The following ARMC9 variants were observed in gnomAD, a reference collection of about 807,000 sequenced individuals.
ARMC9 encodes lisH domain-containing protein ARMC9.
In ARMC9, 94 loss-of-function variants were observed where a neutral mutation model predicts 107.0. That is an observed-to-expected ratio of 0.88 (90% CI 0.74 to 1.04). The LOEUF (loss-of-function observed/expected upper bound fraction) is 1.04, where lower values mean the gene tolerates loss of function less well. Ranked by LOEUF, ARMC9 falls within the 50% of genes least tolerant of loss-of-function variation. The probability of loss-of-function intolerance (pLI) is 0.00; values close to 1 mark genes in which losing one functional copy is unlikely to be tolerated. For missense variants in ARMC9, 942 were observed against 1,030.1 expected, an observed-to-expected ratio of 0.91 and a Z score of 1.17; for synonymous variants, 380 against 396.9, an observed-to-expected ratio of 0.96 and a Z score of 0.51.
chr2:231,302,492 AAC>A (rs2041815262), intron 19 of ARMC9, among the ~76,000 whole-genome samples: 1 of 147,416 alleles, frequency 6.8e-6, no homozygotes, highest in Admixed American at 6.8e-5. Context: ...GGATCAGAAA[AAC>A]ACAGTTTGAT....
chr2:231,251,641 G>A (rs977195734), intron 9 of ARMC9, among the ~76,000 whole-genome samples: 3 of 152,162 alleles, frequency 2.0e-5, no homozygotes, highest in East Asian at 1.9e-4. Flanking sequence ...TATCACTAGC[G>A]CATAGCAGAG....
At position 231,277,249 on chromosome 2, in the gene ARMC9, T is replaced by A. The variant is rs183265266; in HGVS notation, c.1474+474T>A. On this transcript the variant is annotated intron_variant, in intron 15 of 24. Coordinates refer to ENST00000611582, the MANE Select transcript of ARMC9 (RefSeq NM_001352754.2). Reference sequence around the variant, plus strand: ...GTCATTTATATACTTGATCAGTCATTTATATACTTGATCGCTGAAGGTAGT... The same window carrying A: ...GTCATTTATATACTTGATCAGTCATATATATACTTGATCGCTGAAGGTAGT... 1.8e-3 allele frequency among the ~76,000 whole-genome samples: 276 copies of A among 152,284 alleles called. 2 individuals carry two copies. Among genetic ancestry groups the A allele is most frequent in the African/African-American group, 6.1e-3 (252 of 41,560 alleles).
intron 24 of ARMC9, chr2:231,370,433 G>A (rs1452989703): frequency 3.5e-6 from 1 of 289,448 alleles, no homozygotes; most frequent in Non-Finnish European, 6.4e-6. Context: ...ACTTCCCTCT[G>A]TGGAGCTCAC....
chr2:231,352,696 TA>T (rs200523381), intron 21 of ARMC9, among the ~76,000 whole-genome samples: 3 of 150,976 alleles, frequency 2.0e-5, no homozygotes, highest in South Asian at 4.2e-4. Flanking sequence ...GATAGATAGA[TA>T]GATAGATAGA....
chr2:231,328,981 CT>C (rs1164193257), intron 19 of ARMC9, among the ~76,000 whole-genome samples: 9 of 150,980 alleles, frequency 6.0e-5, no homozygotes, highest in Non-Finnish European at 1.2e-4. Flanking sequence ...CGGCGGGCTA[CT>C]TTTTTTTGTA....
chr2:231,334,022 C>G (rs150858686), intron 20 of ARMC9, among the ~76,000 whole-genome samples: 3 of 152,338 alleles, frequency 2.0e-5, no homozygotes, highest in African/African-American at 7.2e-5. Flanking sequence ...TCAAATCAAT[C>G]AGTAACCCCA....
rs186891915 is a variant in ARMC9, at chr2:231,279,434, C to G, written c.1551+976C>G. On this transcript the variant is annotated intron_variant, in intron 16 of 24. Transcript: ENST00000611582. Reference sequence around the variant, plus strand: ...GATGAGACCCAGGGGTATATCTGAGCAGGATACGATTGAGTACCACTTGGT... The same window carrying G: ...GATGAGACCCAGGGGTATATCTGAGGAGGATACGATTGAGTACCACTTGGT... Among the ~76,000 whole-genome samples, 465 of 152,182 alleles carry G rather than the reference C, an allele frequency of 3.1e-3. 12 individuals carry two copies. The highest frequency in any genetic ancestry group is 2.0e-3 in the Non-Finnish European group (135 of 68,016).
At chr2:231,275,168 AG>A (rs1253161428) in intron 14 of ARMC9, among the ~76,000 whole-genome samples, 8 of 152,322 alleles carry the variant, frequency 5.3e-5, no homozygotes, top group African/African-American at 1.9e-4. Context: ...TAAATGAAGA[AG>A]GTAGCTAGTT....
intron 7 of ARMC9, among the ~76,000 whole-genome samples, chr2:231,228,562 T>C (rs1052617129): frequency 6.6e-5 from 10 of 152,234 alleles, no homozygotes; most frequent in African/African-American, 2.4e-4. Context: ...TGTATCACTT[T>C]TTCTAACCTA....
chr2:231,314,730 A>AGGC (rs1267863881), intron 19 of ARMC9, among the ~76,000 whole-genome samples: 2 of 152,254 alleles, frequency 1.3e-5, no homozygotes, highest in Non-Finnish European at 2.9e-5. Context: ...CCATTGGCCT[A>AGGC]GGCCAACATT....
intron 20 of ARMC9, among the ~76,000 whole-genome samples, chr2:231,343,960 TTAAA>T (rs1468021970): frequency 3.3e-5 from 5 of 152,200 alleles, no homozygotes; most frequent in African/African-American, 1.2e-4. Context: ...ATTTAATGTT[TTAAA>T]TAAATATATT....
chr2:231,344,786 C>T (rs1198493201), intron 20 of ARMC9, among the ~76,000 whole-genome samples, 189 bp from the exon 21 acceptor site: 5 of 152,020 alleles, frequency 3.3e-5, no homozygotes, highest in South Asian at 2.1e-4. Flanking sequence ...ATACACAAAC[C>T]GTTAGCAAAA....
chr2:231,331,883 A>G lies in ARMC9; in HGVS notation c.1864A>G (p.Thr622Ala). The change falls in exon 20 of 25, where the codon ACG becomes GCG. Residue 622 changes from threonine (T) to alanine (A), a missense_variant. Thr to Ala is a moderately conservative substitution (Grantham distance 58). Transcript: ENST00000611582. The part of the protein sequence containing the change: ...GELSGEKLLT[T>A]EYLGIMTNTG... The stretch of plus-strand genomic sequence containing the variant: ...ACTCTCAGGAGAGAAGCTTCTGACC[A>G]CGGAGTACCTGGGGGTAAGTGCCAC... 7 of 1,613,392 alleles carry G rather than the reference A, an allele frequency of 4.3e-6. No homozygotes were observed. The highest frequency in any genetic ancestry group is 5.9e-6 in the Non-Finnish European group (7 of 1,179,472).
chr2:231,339,046 T>C (rs934256347), intron 20 of ARMC9, among the ~76,000 whole-genome samples: 1 of 152,182 alleles, frequency 6.6e-6, no homozygotes, highest in Non-Finnish European at 1.5e-5. Context: ...ATTATATGTA[T>C]AGGCTGGGTG....
At chr2:231,335,222 A>C (rs1251965288) in intron 20 of ARMC9, among the ~76,000 whole-genome samples, 2 of 152,198 alleles carry the variant, frequency 1.3e-5, no homozygotes, top group Non-Finnish European at 2.9e-5. Context: ...AGCAGGTGTG[A>C]TCCTGCAGGG....
intron 9 of ARMC9, among the ~76,000 whole-genome samples, chr2:231,243,463 G>GC (rs2036485012): frequency 6.6e-6 from 1 of 152,106 alleles, no homozygotes; most frequent in Admixed American, 6.6e-5. Flanking sequence ...TTAAAAAGGA[G>GC]CAGGGGTACA....
chr2:231,363,586 G>C (rs1315574011), intron 23 of ARMC9, among the ~76,000 whole-genome samples: 1 of 152,136 alleles, frequency 6.6e-6, no homozygotes, highest in Non-Finnish European at 1.5e-5. Context: ...TCGGAGGCTA[G>C]AGAATAAAAG....
At chr2:231,291,252 C>A (rs1005751519) in intron 17 of ARMC9, 101 bp from the exon 18 acceptor site, 16 of 917,478 alleles carry the variant, frequency 1.7e-5, no homozygotes, top group Middle Eastern at 4.4e-4. Flanking sequence ...TCTTCCTCTC[C>A]CCAAAACATT....
chr2:231,246,344 C>A (rs1399905584), intron 9 of ARMC9, among the ~76,000 whole-genome samples: 11 of 152,126 alleles, frequency 7.2e-5, no homozygotes, highest in East Asian at 1.9e-4. Context: ...GTTTTTCAAA[C>A]CTTGCCCCTC....
Sources: gnomAD v4.1 joint callset for allele counts (sites outside exome capture counted in the v4.1 genomes callset) on GRCh38, gnomAD v4.1.1 for gene constraint, MANE v1.5 for transcripts, NCBI Gene and HGNC (gene_info 2026-07-23, HGNC 2026-07-21) for gene names.